USP7: variants seen among roughly 807,000 people sequenced by gnomAD.
The protein encoded by USP7 is ubiquitin C-terminal hydrolase 7.
A neutral mutation model predicts 162.9 loss-of-function variants in USP7; 9 were observed. That is an observed-to-expected ratio of 0.06 (90% confidence interval 0.03 to 0.10). The LOEUF is 0.10. USP7 is among the 10% of genes least tolerant of loss of function. The probability of loss-of-function intolerance (pLI) is 1.00; values close to 1 mark genes in which losing one functional copy is unlikely to be tolerated. For missense variants in USP7, 715 were observed against 1,373.7 expected (o/e 0.52, Z 7.58); for synonymous variants, 562 against 475.9 (o/e 1.18, Z -2.35).
At chr16:8,920,887 G>A (rs1243621321) in intron 4 of USP7, among the ~76,000 whole-genome samples, 2 of 152,202 alleles carry the variant, frequency 1.3e-5, no homozygotes, top group Non-Finnish European at 2.9e-5. Flanking sequence ...AATCATGAAA[G>A]GACCTCAAAC....
At chr16:8,943,850 T>C (rs1899159864) in intron 1 of USP7, among the ~76,000 whole-genome samples, 2 of 152,240 alleles carry the variant, frequency 1.3e-5, no homozygotes, top group Non-Finnish European at 2.9e-5. Context: ...CTTCGTGCAC[T>C]GATGCACAAC....
intron 16 of USP7, among the ~76,000 whole-genome samples, chr16:8,903,037 GGTGAA>G (rs2061802039): frequency 1.3e-5 from 2 of 152,184 alleles, no homozygotes; most frequent in African/African-American, 4.8e-5. Flanking sequence ...GAGGAAAAGG[GGTGAA>G]AACATGTCTG....
intron 23 of USP7, 83 bp from the exon 24 acceptor site, chr16:8,898,722 C>T (rs934855954): frequency 2.7e-5 from 31 of 1,154,082 alleles, no homozygotes; most frequent in Middle Eastern, 4.8e-4. Flanking sequence ...AAAAGCAAAC[C>T]GCTGGCCTTA....
intron 1 of USP7, chr16:8,936,644 G>C (rs1238520262): frequency 5.1e-6 from 8 of 1,554,546 alleles, no homozygotes; most frequent in East Asian, 2.4e-5. Flanking sequence ...GCCTCTGCTG[G>C]GGGATGGGGG....
chr16:8,954,479 A>T (rs180988746), intron 1 of USP7, among the ~76,000 whole-genome samples: 5 of 152,328 alleles, frequency 3.3e-5, no homozygotes, highest in Admixed American at 3.3e-4. Flanking sequence ...GGACCACAAT[A>T]CAGCTTGTGA....
At chr16:8,961,866 A>T (rs892957058) in intron 1 of USP7, among the ~76,000 whole-genome samples, 2 of 152,204 alleles carry the variant, frequency 1.3e-5, no homozygotes, top group African/African-American at 4.8e-5. Context: ...GCTGGGGCCA[A>T]GTGAAACAGA....
intron 4 of USP7, 120 bp downstream of exon 4, chr16:8,921,037 T>C: frequency 8.7e-7 from 1 of 1,148,826 alleles, no homozygotes; most frequent in Non-Finnish European, 1.2e-6. Context: ...AAGACACTTG[T>C]CCAATTTAGA....
At chr16:8,949,610 C>T (rs1394568886) in intron 1 of USP7, 1 of 152,512 alleles carries the variant, frequency 6.6e-6, no homozygotes, top group African/African-American at 2.4e-5. Flanking sequence ...ACAACACCAC[C>T]TCTTCACCAT....
At chr16:8,960,631 C>T (rs543805516) in intron 1 of USP7, among the ~76,000 whole-genome samples, 1 of 152,182 alleles carries the variant, frequency 6.6e-6, no homozygotes, top group Non-Finnish European at 1.5e-5. Context: ...CGTTAGGAAC[C>T]GAGGCAGACA....
At chr16:8,914,738 T>A (rs2062002348) in intron 10 of USP7, among the ~76,000 whole-genome samples, 1 of 151,000 alleles carries the variant, frequency 6.6e-6, no homozygotes, top group Non-Finnish European at 1.5e-5. Flanking sequence ...AGCAACAAAG[T>A]AAGACCCCAT....
chr16:8,949,913 G>A (rs1899472375), intron 1 of USP7, among the ~76,000 whole-genome samples: 1 of 152,134 alleles, frequency 6.6e-6, no homozygotes, highest in Admixed American at 6.5e-5. Context: ...AAACCATACT[G>A]GTCAAGGAGG....
At chr16:8,958,475 T>C (rs890147326) in intron 1 of USP7, among the ~76,000 whole-genome samples, 9 of 152,118 alleles carry the variant, frequency 5.9e-5, no homozygotes, top group Admixed American at 4.6e-4. Context: ...GCAGCTTTCA[T>C]AAAGTGTGGG....
At chr16:8,936,634 G>A in intron 1 of USP7, 1 of 1,556,630 alleles carries the variant, frequency 6.4e-7, no homozygotes, top group Non-Finnish European at 8.6e-7. Context: ...CTCTGCAGTG[G>A]CCTCTGCTGG....
chr16:8,899,268 T>C (rs771458687), intron 22 of USP7, 80 bp from the exon 23 acceptor site: 4 of 1,418,092 alleles, frequency 2.8e-6, no homozygotes, highest in Non-Finnish European at 4.0e-6. Flanking sequence ...TTACTTAAAA[T>C]GTGCCATGAG....
chr16:8,894,052 G>A lies in USP7; in HGVS notation c.3255C>T (p.Ala1085=). The A allele has an allele frequency of 1.2e-6, 2 of 1,614,142 alleles. No individual in the cohort carries two copies. Among genetic ancestry groups the A allele is most frequent in the African/African-American group, 2.7e-5 (2 of 75,028 alleles). Residue 1085 remains alanine, a synonymous_variant, in exon 31 of 31, where the codon GCC becomes GCT. Coordinates refer to ENST00000344836, the MANE Select transcript of USP7 (RefSeq NM_003470.3). ...GGTAAGTGTAGCGACTCCTCTTTGG[G>A]GCTTTGTTGAAGTGGTCGAGCCCTA... is the stretch of plus-strand genomic sequence containing the variant. The part of the protein sequence containing the change: ...PWLGLDHFNK[A]PKRSRYTYLE...
At chr16:8,895,964 G>C (rs1427368604) in intron 26 of USP7, among the ~76,000 whole-genome samples, 2 of 151,732 alleles carry the variant, frequency 1.3e-5, no homozygotes, top group Non-Finnish European at 2.9e-5. Flanking sequence ...AGCCTCCCGA[G>C]TAGTTGGGAC....
At chr16:8,929,461 C>CT (rs1417693794) in intron 2 of USP7, 6 of 455,794 alleles carry the variant, frequency 1.3e-5, no homozygotes, top group Non-Finnish European at 2.2e-5. Context: ...GGAGGCTGAA[C>CT]TTTTGGCAGG....
chr16:8,895,766 G>C, intron 26 of USP7, 25 bp from the exon 27 acceptor site: 1 of 1,503,140 alleles, frequency 6.7e-7, no homozygotes, highest in Non-Finnish European at 9.1e-7. Context: ...AAAAAAAATA[G>C]GGCAAAATGA....
chr16:8,955,091 G>C (rs1267852039), intron 1 of USP7, among the ~76,000 whole-genome samples: 1 of 152,218 alleles, frequency 6.6e-6, no homozygotes, highest in Non-Finnish European at 1.5e-5. Flanking sequence ...CACTTTCTAT[G>C]AATCTGCAGT....
Sources: gnomAD v4.1 joint callset for allele counts (sites outside exome capture counted in the v4.1 genomes callset) on GRCh38, gnomAD v4.1.1 for gene constraint, MANE v1.5 for transcripts, NCBI Gene and HGNC (gene_info 2026-07-23, HGNC 2026-07-21) for gene names.